MFF: variants seen among roughly 807,000 people sequenced by gnomAD.
MFF encodes the protein mitochondrial fission factor, also known as chromosome 2 open reading frame 33.
In MFF, 12 loss-of-function variants were observed where a neutral mutation model predicts 36.9. The observed-to-expected ratio is 0.33, with a 90% CI of 0.21 to 0.53. MFF has a LOEUF of 0.53. Ranked by LOEUF, MFF falls within the 20% of genes least tolerant of loss-of-function variation. The probability of loss-of-function intolerance (pLI) is 0.95; values close to 1 mark genes in which losing one functional copy is unlikely to be tolerated. For synonymous variants in MFF, 99 were observed against 126.2 expected, an observed-to-expected ratio of 0.78 and a Z score of 1.44; for missense variants, 348 against 366.6, an observed-to-expected ratio of 0.95 and a Z score of 0.42.
At chr2:227,334,907 G>A (rs562423378) in intron 4 of MFF, among the ~76,000 whole-genome samples, 16 of 152,170 alleles carry the variant, frequency 1.1e-4, no homozygotes, top group Non-Finnish European at 2.4e-4. Flanking sequence ...GGTGGCTCAT[G>A]CCTGCAATCC....
In MFF at chr2:227,341,634, T is replaced by C. The variant is rs75352089; in HGVS notation, c.440+1254T>C. Among the ~76,000 whole-genome samples, 738 of 152,250 alleles carry C rather than the reference T, an allele frequency of 4.8e-3. 8 individuals are homozygous for C. Among genetic ancestry groups the C allele is most frequent in the African/African-American group, 0.017 (695 of 41,580 alleles). On this transcript the variant is annotated intron_variant, in intron 5 of 8. Coordinates refer to ENST00000304593, the MANE Select transcript of MFF (RefSeq NM_001277062.2). ...CCCATGAAATCCATTTTTTCTAGACTATTTCCAAATGTATTACACAAACGG... is the reference window on the plus strand; with the variant it reads ...CCCATGAAATCCATTTTTTCTAGACCATTTCCAAATGTATTACACAAACGG...
At chr2:227,330,466 C>T (rs775063762) in intron 2 of MFF, 160 bp from the exon 3 acceptor site, 23 of 587,864 alleles carry the variant, frequency 3.9e-5, no homozygotes, top group Non-Finnish European at 7.0e-5. Flanking sequence ...TTGAGGAAGA[C>T]ATTTTCTTTC....
intron 5 of MFF, among the ~76,000 whole-genome samples, chr2:227,344,440 G>A (rs1166063844): frequency 3.3e-5 from 5 of 152,158 alleles, no homozygotes; most frequent in African/African-American, 4.8e-5. Context: ...TGAAAGCGCT[G>A]TTTCCCTCCA....
At chr2:227,337,085 G>T (rs1443991712) in intron 4 of MFF, among the ~76,000 whole-genome samples, 2 of 152,222 alleles carry the variant, frequency 1.3e-5, no homozygotes, top group African/African-American at 4.8e-5. Flanking sequence ...TGGAGCAAAA[G>T]TCTGGAGAGA....
At chr2:227,328,295 C>CAAAAAA (rs869086091) in intron 1 of MFF, among the ~76,000 whole-genome samples, 3 of 72,646 alleles carry the variant, frequency 4.1e-5, no homozygotes, top group Admixed American at 1.5e-4. Flanking sequence ...GCCCGGGTGA[C>CAAAAAA]AAAAAAAAAA....
intron 6 of MFF, among the ~76,000 whole-genome samples, chr2:227,350,956 T>TA (rs1339724634): frequency 1.3e-5 from 2 of 152,198 alleles, no homozygotes; most frequent in Admixed American, 1.3e-4. Flanking sequence ...CAAAATGAAA[T>TA]ACGTTGTGAA....
chr2:227,347,215 T>G lies in MFF; in HGVS notation c.441-11T>G. The G allele has an allele frequency of 6.2e-7, 1 of 1,611,750 alleles. No homozygotes were observed. Among genetic ancestry groups the G allele is most frequent in the Non-Finnish European group, 8.5e-7 (1 of 1,178,216 alleles). ...TGTTTTTCTCTTCATTTGCTGTGCT[T>G]GTGTAAACAGTGTGACACCATCGCC... is the stretch of plus-strand genomic sequence containing the variant. On this transcript the variant is annotated splice_polypyrimidine_tract_variant and intron_variant, in intron 5 of 8. Coordinates refer to ENST00000304593, the MANE Select transcript of MFF (RefSeq NM_001277062.2).
At chr2:227,333,468 A>G (rs2074750580) in intron 4 of MFF, among the ~76,000 whole-genome samples, 1 of 152,232 alleles carries the variant, frequency 6.6e-6, no homozygotes, top group Non-Finnish European at 1.5e-5. Context: ...AGGCACTAAC[A>G]TACTTGCAGA....
chr2:227,355,534 T>A (rs1270827921), intron 7 of MFF, 143 bp from the exon 8 acceptor site: 2 of 453,110 alleles, frequency 4.4e-6, no homozygotes, highest in Non-Finnish European at 8.1e-6. Flanking sequence ...CAAATTCAGG[T>A]AGTAAAATAT....
rs2074494003 is a variant in MFF at position 227,330,559 on chromosome 2, A to G, written c.-40-67A>G. The G allele has an allele frequency of 3.7e-6, 4 of 1,074,368 alleles. No individual in the cohort carries two copies. In the Admixed American group the frequency reaches 8.5e-5, roughly 23 times the overall value. The allele number at this position is 1,074,368 out of a possible 1,614,324, so 66.6% of individuals were successfully genotyped here. ...CTCTTTCTATAAGGTATTGTCTTCT[A>G]ACTTCACTGCGTAGAGGAGACTGAC... is the stretch of plus-strand genomic sequence containing the variant. On this transcript the variant is annotated intron_variant, in intron 2 of 8. Coordinates refer to ENST00000304593, the MANE Select transcript of MFF (RefSeq NM_001277062.2).
chr2:227,331,172 T>C (rs530882368), intron 3 of MFF, among the ~76,000 whole-genome samples: 3 of 152,286 alleles, frequency 2.0e-5, no homozygotes, highest in Admixed American at 6.5e-5. Flanking sequence ...CCTTTGTGCC[T>C]CTTTCTCACT....
Position 227,352,538 on chromosome 2 carries a change from T to C in MFF, c.624T>C (p.Ala208=), listed in dbSNP as rs2076051342. The change falls in exon 7 of 9, where the codon GCT becomes GCC. Residue 208 remains alanine (A), a synonymous_variant. Transcript: ENST00000304593. ...GACCTGTGTTGCGTGGTGGGTCTGC[T>C]GCCGCCACTTCTAATCCTCATCATG... ...NRRPVLRGGS[A]AATSNPHHDN... The C allele has an allele frequency of 1.7e-5, 27 of 1,613,736 alleles. No homozygotes were observed. The highest frequency in any genetic ancestry group is 2.2e-5 in the Non-Finnish European group (26 of 1,179,802).
chr2:227,332,902 A>G (rs1372700956), intron 4 of MFF, among the ~76,000 whole-genome samples: 1 of 152,246 alleles, frequency 6.6e-6, no homozygotes, highest in Non-Finnish European at 1.5e-5. Flanking sequence ...AGCAATAAGA[A>G]GTAAATGTAT....
At chr2:227,351,332 T>C (rs2075985160) in intron 6 of MFF, among the ~76,000 whole-genome samples, 1 of 152,206 alleles carries the variant, frequency 6.6e-6, no homozygotes, top group African/African-American at 2.4e-5. Context: ...TAAGCACTGG[T>C]AGTACCTTTA....
At chr2:227,332,646 A>G in intron 4 of MFF, 58 bp downstream of exon 4, 1 of 1,334,826 alleles carries the variant, frequency 7.5e-7, no homozygotes, top group Non-Finnish European at 1.0e-6. Context: ...GGTAAAAGAG[A>G]AGAGCAAAGA....
intron 2 of MFF, chr2:227,329,409 G>C (rs1404922678): frequency 7.5e-6 from 2 of 265,008 alleles, no homozygotes; most frequent in Non-Finnish European, 1.4e-5. Context: ...GACAGTGACT[G>C]TGCTTACAAC....
chr2:227,337,697 G>A (rs1193791861), intron 4 of MFF, among the ~76,000 whole-genome samples: 1 of 152,124 alleles, frequency 6.6e-6, no homozygotes, highest in Non-Finnish European at 1.5e-5. Flanking sequence ...CTCAGCCTCC[G>A]GGATGAATAA....
At chr2:227,339,771 A>T (rs1238179180) in intron 4 of MFF, among the ~76,000 whole-genome samples, 1 of 152,240 alleles carries the variant, frequency 6.6e-6, no homozygotes, top group African/African-American at 2.4e-5. Context: ...TAAGAAGAGC[A>T]TGTGGGATTA....
At chr2:227,327,857 C>T (rs748972029) in intron 1 of MFF, among the ~76,000 whole-genome samples, 1 of 152,074 alleles carries the variant, frequency 6.6e-6, no homozygotes, top group African/African-American at 2.4e-5. Flanking sequence ...AGTGTTAGTT[C>T]TGAATATGAG....
Sources: gnomAD v4.1 joint callset for allele counts (sites outside exome capture counted in the v4.1 genomes callset) on GRCh38, gnomAD v4.1.1 for gene constraint, MANE v1.5 for transcripts, NCBI Gene and HGNC (gene_info 2026-07-23, HGNC 2026-07-21) for gene names.